The following POMT2 variants were observed in gnomAD, a reference collection of about 807,000 sequenced individuals.
POMT2 encodes the protein protein O-mannosyl-transferase 2.
A neutral mutation model predicts 100.0 loss-of-function variants in POMT2; 75 were observed. The ratio of observed to expected loss-of-function variants is 0.75; its 90% confidence interval spans 0.62 to 0.91. The LOEUF (loss-of-function observed/expected upper bound fraction) is 0.91, where lower values mean the gene tolerates loss of function less well. Ranked by LOEUF, POMT2 falls within the 40% of genes least tolerant of loss-of-function variation. The probability of loss-of-function intolerance (pLI) is 0.00; values close to 1 mark genes in which losing one functional copy is unlikely to be tolerated. For synonymous variants in POMT2, 378 were observed against 374.1 expected (o/e 1.01, Z -0.12); for missense variants, 940 against 955.1 (o/e 0.98, Z 0.21).
At chr14:77,291,616 G>A (rs2140204814) in intron 9 of POMT2, 1 of 619,788 alleles carries the variant, frequency 1.6e-6, no homozygotes. Context: ...GAGCCTTTTT[G>A]TTTCTTTGTA....
In POMT2 at chr14:77,277,210, A is replaced by T; in HGVS notation, c.*166T>A. 1.5e-6 allele frequency: 1 copy of T among 665,448 alleles called. No homozygotes were observed. The highest frequency in any genetic ancestry group is 2.7e-6 in the Non-Finnish European group (1 of 370,084). 41.2% of individuals were successfully genotyped at this position (665,448 alleles called of 1,614,324 possible). The stretch of plus-strand genomic sequence containing the variant: ...CTGCGGCTCTCTCCCGGCTCTCTCC[A>T]ATGCTGGGTTCCATTCCAGCTGCAC... On this transcript the variant is annotated 3_prime_UTR_variant, in exon 21 of 21. Coordinates refer to ENST00000261534, the MANE Select transcript of POMT2 (RefSeq NM_013382.7).
chr14:77,278,893 G>C (rs1273898311), intron 18 of POMT2, 24 bp from the exon 19 acceptor site: 12 of 1,610,834 alleles, frequency 7.4e-6, no homozygotes, highest in Non-Finnish European at 1.0e-5. Context: ...GCACAGCCCA[G>C]TCAGAAGACA....
In POMT2 at chr14:77,283,820, C is replaced by A; in HGVS notation, c.1630G>T (p.Glu544Ter). 1 of 1,612,622 alleles carries A rather than the reference C, an allele frequency of 6.2e-7. No individual in the cohort carries two copies. The change falls in exon 15 of 21, where the codon GAA becomes TAA. Residue 544 changes from glutamate (E) to a stop codon, truncating the protein, a stop_gained. Coordinates refer to ENST00000261534, the MANE Select transcript of POMT2 (RefSeq NM_013382.7). LOFTEE classifies it high-confidence loss of function. ...ACCCGGATCATGACCATGTGGGATT[C>A]CAGCAAGATCTCAGGAAAACTGGGC... ...LQPSFPEILL[E>*]SHMVMIRGNS...
chr14:77,315,722 T>C (rs536280094), intron 1 of POMT2, among the ~76,000 whole-genome samples: 25 of 152,304 alleles, frequency 1.6e-4, no homozygotes, highest in Non-Finnish European at 3.5e-4. Context: ...GCTTAAAAAC[T>C]TCGTGGCGGC....
chr14:77,303,672 C>T (rs1400021703), intron 4 of POMT2, among the ~76,000 whole-genome samples: 1 of 152,212 alleles, frequency 6.6e-6, no homozygotes, highest in African/African-American at 2.4e-5. Context: ...CTTTGTCTCA[C>T]TCAGGTCTCT....
At chr14:77,307,641 G>A (rs1304744936) in intron 2 of POMT2, among the ~76,000 whole-genome samples, 1 of 152,144 alleles carries the variant, frequency 6.6e-6, no homozygotes, top group African/African-American at 2.4e-5. Context: ...ATGTACAGAT[G>A]CTTTGGATCT....
chr14:77,320,498 C>G lies in POMT2; in HGVS notation c.184G>C (p.Ala62Pro). ...FEAVGWWALLALVTLLSFATR... is the reference protein window; with the variant it reads ...FEAVGWWALLPLVTLLSFATR... ...GCGAAGGACAGCAGCGTCACCAAGG[C>G]CAGCAGGGCCCACCAGCCGACCGCC... The change falls in exon 1 of 21, where the codon GCC becomes CCC. Residue 62 changes from alanine (A) to proline (P), a missense_variant. Coordinates refer to ENST00000261534, the MANE Select transcript of POMT2 (RefSeq NM_013382.7). 1 of 1,546,428 alleles carries G rather than the reference C, an allele frequency of 6.5e-7. No homozygotes were observed. Among genetic ancestry groups the G allele is most frequent in the South Asian group, 1.2e-5 (1 of 84,582 alleles).
In POMT2 at chr14:77,320,697, G is replaced by C. The variant is rs1422232788; in HGVS notation, c.-16C>G. 21 of 1,591,412 alleles carry C rather than the reference G, an allele frequency of 1.3e-5. No homozygotes were observed. The highest frequency in any genetic ancestry group is 1.7e-5 in the Non-Finnish European group (20 of 1,177,398). ...CCGGCGGCATCTTCCCCCTCCTCTG[G>C]GTCGCCCTCCGGCCCGGAGGCACAC... On this transcript the variant is annotated 5_prime_UTR_variant, in exon 1 of 21. Transcript: ENST00000261534.
chr14:77,284,545 G>A lies in POMT2; in HGVS notation c.1576+405C>T, dbSNP rs148834455. 4.4e-3 allele frequency among the ~76,000 whole-genome samples: 665 copies of A among 151,922 alleles called. 2 individuals are homozygous for A. Among genetic ancestry groups the A allele is most frequent in the African/African-American group, 9.9e-3 (409 of 41,410 alleles). On this transcript the variant is annotated intron_variant, in intron 14 of 20. Coordinates refer to ENST00000261534, the MANE Select transcript of POMT2 (RefSeq NM_013382.7). ...TGTAGAGATGTGGGGCACAGATCAG[G>A]GCTGTGGCAGTCACTTTCTATAAAA... is the stretch of plus-strand genomic sequence containing the variant.
intron 1 of POMT2, among the ~76,000 whole-genome samples, chr14:77,315,526 G>A (rs1891592864): frequency 6.6e-6 from 1 of 152,192 alleles, no homozygotes; most frequent in African/African-American, 2.4e-5. Context: ...GAGCTCTTTG[G>A]GCCTCTTCAA....
rs759654244 is a variant in POMT2 at position 77,301,267 on chromosome 14, G to T, written c.657-18C>A. ...AGAAGGGCCTGAAAATCAACAAGAC[G>T]GAGTTCAATTTGGCAGCTGGAACCA... On this transcript the variant is annotated intron_variant, in intron 5 of 20. Transcript: ENST00000261534. 1 of 1,613,834 alleles carries T rather than the reference G, an allele frequency of 6.2e-7. No homozygotes were observed. Among genetic ancestry groups the T allele is most frequent in the Non-Finnish European group, 8.5e-7 (1 of 1,179,940 alleles).
chr14:77,286,948 C>T, intron 11 of POMT2, 126 bp from the exon 12 acceptor site: 1 of 1,530,302 alleles, frequency 6.5e-7, no homozygotes, highest in East Asian at 2.5e-5. Flanking sequence ...ACTATTAAAT[C>T]CAACATATCA....
At chr14:77,291,462 C>T (rs1890640288) in intron 9 of POMT2, 82 bp from the exon 10 acceptor site, 1 of 1,546,422 alleles carries the variant, frequency 6.5e-7, no homozygotes, top group Non-Finnish European at 8.8e-7. Flanking sequence ...CAAGGACAAT[C>T]AACCTCAAAC....
intron 1 of POMT2, among the ~76,000 whole-genome samples, chr14:77,318,558 G>C (rs952367681): frequency 6.6e-6 from 1 of 152,078 alleles, no homozygotes; most frequent in Non-Finnish European, 1.5e-5. Flanking sequence ...GATTGAGGCT[G>C]CAACTGTTCA....
chr14:77,320,499 C>T lies in POMT2; in HGVS notation c.183G>A (p.Leu61=). 1 of 1,546,712 alleles carries T rather than the reference C, an allele frequency of 6.5e-7. No homozygotes were observed. Among genetic ancestry groups the T allele is most frequent in the Non-Finnish European group, 8.7e-7 (1 of 1,149,176 alleles). ...RFEAVGWWAL[L]ALVTLLSFAT... ...CGAAGGACAGCAGCGTCACCAAGGC[C>T]AGCAGGGCCCACCAGCCGACCGCCT... The change falls in exon 1 of 21, where the codon CTG becomes CTA. Residue 61 remains leucine, a synonymous_variant. Coordinates refer to ENST00000261534, the MANE Select transcript of POMT2 (RefSeq NM_013382.7).
chr14:77,289,778 C>A, intron 10 of POMT2, among the ~76,000 whole-genome samples: 1 of 152,118 alleles, frequency 6.6e-6, no homozygotes, highest in East Asian at 1.9e-4. Context: ...TGTATCATCT[C>A]AAAATCAAGA....
rs770606360 is a variant in POMT2 at position 77,278,785 on chromosome 14, C to T, written c.1976G>A (p.Arg659Gln). 1.6e-5 allele frequency: 26 copies of T among 1,613,742 alleles called. No homozygotes were observed. Among genetic ancestry groups the T allele is most frequent in the East Asian group, 8.9e-5 (4 of 44,892 alleles). Residue 659 changes from arginine to glutamine, a missense_variant, in exon 19 of 21, where the codon CGG (arginine) becomes CAG (glutamine). Coordinates refer to ENST00000261534, the MANE Select transcript of POMT2 (RefSeq NM_013382.7). ...LHYFPFFLMGRVLYFHHYFPA... is the reference protein window; with the variant it reads ...LHYFPFFLMGQVLYFHHYFPA... ...GAAGTAGTGGTGGAAGTAGAGGACC[C>T]GGCCCATCAGGAAAAACGGGAAGTA...
chr14:77,280,099 C>A lies in POMT2; in HGVS notation c.1726-19G>T, dbSNP rs530158780. 1.1e-5 allele frequency: 17 copies of A among 1,613,736 alleles called. No individual in the cohort carries two copies. The highest frequency in any genetic ancestry group is 5.3e-5 in the African/African-American group (4 of 75,010). On this transcript the variant is annotated intron_variant, in intron 16 of 20. Coordinates refer to ENST00000261534, the MANE Select transcript of POMT2 (RefSeq NM_013382.7). The stretch of plus-strand genomic sequence containing the variant: ...GTAGGCCCTGTGGAATAGAGACCAC[C>A]CTGCTGACCCAGGCCCAGCCCATCC...
At chr14:77,285,398 A>G in intron 13 of POMT2, 83 bp downstream of exon 13, 1 of 1,569,974 alleles carries the variant, frequency 6.4e-7, no homozygotes, top group East Asian at 2.2e-5. Flanking sequence ...AACACAGGAA[A>G]ACAAAAGCTT....
Sources: gnomAD v4.1 joint callset for allele counts (sites outside exome capture counted in the v4.1 genomes callset) on GRCh38, gnomAD v4.1.1 for gene constraint, MANE v1.5 for transcripts, NCBI Gene and HGNC (gene_info 2026-07-23, HGNC 2026-07-21) for gene names.